Variants in PCDHA8 observed in about 807,000 individuals in gnomAD.
PCDHA8 encodes protocadherin alpha-8.
In PCDHA8, 53 loss-of-function variants were observed where a neutral mutation model predicts 61.8. The observed-to-expected ratio is 0.86, with a 90% CI of 0.69 to 1.08. PCDHA8 has a LOEUF of 1.08. Among genes scored for constraint, PCDHA8 ranks in the 50% least tolerant of loss-of-function variants. The probability of loss-of-function intolerance (pLI) is 0.00; values close to 1 mark genes in which losing one functional copy is unlikely to be tolerated. For missense variants in PCDHA8, 1,293 were observed against 1,245.0 expected (o/e 1.04, Z -0.58); for synonymous variants, 618 against 556.6 (o/e 1.11, Z -1.55).
intron 1 of PCDHA8, among the ~76,000 whole-genome samples, chr5:140,905,490 T>C (rs1256863992): frequency 1.3e-5 from 2 of 152,224 alleles, no homozygotes; most frequent in African/African-American, 4.8e-5. Context: ...TTTCTTCTTT[T>C]TGTTTTGTAT....
At chr5:140,968,781 C>G in intron 1 of PCDHA8, 1 of 1,614,182 alleles carries the variant, frequency 6.2e-7, no homozygotes. Context: ...TCACTATCAG[C>G]CTCTGTGGCC....
chr5:140,999,975 A>G (rs952038024), intron 3 of PCDHA8, among the ~76,000 whole-genome samples: 3 of 152,078 alleles, frequency 2.0e-5, no homozygotes, highest in African/African-American at 7.2e-5. Context: ...TAGCAGCTCT[A>G]GCGGCCTCTG....
intron 3 of PCDHA8, among the ~76,000 whole-genome samples, chr5:140,983,623 GA>G (rs1554245569): frequency 6.6e-6 from 1 of 152,202 alleles, no homozygotes; most frequent in African/African-American, 2.4e-5. Flanking sequence ...GAGAGATTAA[GA>G]AATGTACCCA....
chr5:141,010,545 A>G lies in PCDHA8; in HGVS notation c.*608A>G. On this transcript the variant is annotated 3_prime_UTR_variant, in exon 4 of 4. Coordinates refer to ENST00000531613, the MANE Select transcript of PCDHA8 (RefSeq NM_018911.3). ...GGTGGCAGCCACCCTCTAGGAGACAAAACTACCCCCACTGACAAGGCTTTA... is the reference window on the plus strand; with the variant it reads ...GGTGGCAGCCACCCTCTAGGAGACAGAACTACCCCCACTGACAAGGCTTTA... 1 of 343,382 alleles carries G rather than the reference A, an allele frequency of 2.9e-6. No individual in the cohort carries two copies. 21.3% of individuals were successfully genotyped at this position (343,382 alleles called of 1,614,324 possible).
At chr5:140,980,728 A>T (rs1268236317) in intron 2 of PCDHA8, among the ~76,000 whole-genome samples, 1 of 152,168 alleles carries the variant, frequency 6.6e-6, no homozygotes, top group African/African-American at 2.4e-5. Context: ...TTCAATTAAG[A>T]TATTATGAGA....
intron 1 of PCDHA8, among the ~76,000 whole-genome samples, chr5:140,937,575 T>C (rs111558133): frequency 1.8e-3 from 268 of 149,140 alleles, no homozygotes; most frequent in African/African-American, 6.4e-3. Context: ...TGGGATCGCG[T>C]CACTGCACTC....
chr5:140,882,605 C>T (rs1554174797), intron 1 of PCDHA8: 2 of 1,614,120 alleles, frequency 1.2e-6, no homozygotes, highest in Non-Finnish European at 1.7e-6. Context: ...CGTGGACAGG[C>T]CTCTGCAGGT....
intron 1 of PCDHA8, chr5:140,857,805 C>CG: frequency 6.3e-7 from 1 of 1,597,714 alleles, no homozygotes; most frequent in Non-Finnish European, 8.6e-7. Context: ...TCGGTGGTTG[C>CG]GGGTCACGTG....
At chr5:140,883,989 G>C (rs1554180956) in intron 1 of PCDHA8, 1 of 1,612,834 alleles carries the variant, frequency 6.2e-7, no homozygotes, top group Non-Finnish European at 8.5e-7. Flanking sequence ...GGCAGCGCGG[G>C]AGGCACAGTG....
intron 1 of PCDHA8, chr5:140,881,915 C>G (rs1431128063): frequency 1.7e-5 from 4 of 240,684 alleles, no homozygotes; most frequent in African/African-American, 8.9e-5. Flanking sequence ...AAATGTTGAG[C>G]AGAATGCAGT....
At position 140,843,480 on chromosome 5, in the gene PCDHA8, C is replaced by A. The variant is rs2150360983; in HGVS notation, c.2159C>A (p.Ala720Glu). 13 of 1,596,024 alleles carry A rather than the reference C, an allele frequency of 8.1e-6. 2 individuals carry two copies. The highest frequency in any genetic ancestry group is 1.1e-5 in the South Asian group (1 of 90,492). The change falls in exon 1 of 4, where the codon GCG becomes GAG. Residue 720 changes from alanine to glutamate, a missense_variant. Physicochemically the swap from Ala to Glu is moderately radical, Grantham distance 107. Coordinates refer to ENST00000531613, the MANE Select transcript of PCDHA8 (RefSeq NM_018911.3). ...LLVLTLLLYT[A>E]LRCSALPTEG... Reference sequence around the variant, plus strand: ...GTGCTCACGCTGCTGCTGTACACTGCGCTGCGGTGCTCAGCACTGCCCACT... The same window carrying A: ...GTGCTCACGCTGCTGCTGTACACTGAGCTGCGGTGCTCAGCACTGCCCACT...
At chr5:140,978,897 G>A in intron 1 of PCDHA8, 52 bp from the exon 2 acceptor site, 2 of 1,612,776 alleles carry the variant, frequency 1.2e-6, no homozygotes, top group South Asian at 1.1e-5. Flanking sequence ...AGCATTCCTG[G>A]GAGAACATTG....
chr5:140,954,016 A>G (rs246027), intron 1 of PCDHA8, among the ~76,000 whole-genome samples: 85,628 of 151,968 alleles, frequency 0.56, 24,747 homozygotes, highest in African/African-American at 0.69. Context: ...GCTCCCACAC[A>G]TAGTGGGACG....
chr5:140,851,932 TGTA>T lies in PCDHA8; in HGVS notation c.2394+8221_2394+8223del. ...TCACTACATGTTATGTTTCCTGAAT[TGTA>T]GTATGTGACTTTCAAAATGGTGGTT... On this transcript the variant is annotated intron_variant, in intron 1 of 3. Transcript: ENST00000531613. 5.2e-6 allele frequency: 5 copies of T among 965,638 alleles called. 1 individual carries two copies. The highest frequency in any genetic ancestry group is 5.0e-6 in the Non-Finnish European group (4 of 798,866). The allele number at this position is 965,638 out of a possible 1,614,324, so 59.8% of individuals were successfully genotyped here. A position where few individuals can be genotyped will look rare whatever the true frequency, so the allele number is the denominator to read the frequency against.
chr5:140,986,545 G>T (rs1554248133), intron 3 of PCDHA8, among the ~76,000 whole-genome samples: 1 of 152,172 alleles, frequency 6.6e-6, no homozygotes, highest in East Asian at 1.9e-4. Context: ...GCTTCAGTGG[G>T]CCAGGCTGCT....
At chr5:140,946,506 A>G (rs1231345135) in intron 1 of PCDHA8, among the ~76,000 whole-genome samples, 1 of 151,616 alleles carries the variant, frequency 6.6e-6, no homozygotes, top group Non-Finnish European at 1.5e-5. Context: ...CAGTATGTCA[A>G]AGACCTATCC....
intron 1 of PCDHA8, chr5:140,860,038 C>T (rs1333374793): frequency 6.6e-6 from 1 of 151,844 alleles, no homozygotes; most frequent in African/African-American, 2.4e-5. Context: ...CCTGTAATCC[C>T]AGCATTTTGA....
chr5:140,842,381 T>A lies in PCDHA8; in HGVS notation c.1060T>A (p.Ser354Thr), dbSNP rs2150334920. The A allele has an allele frequency of 6.2e-7, 1 of 1,610,534 alleles. No homozygotes were observed. The highest frequency in any genetic ancestry group is 1.1e-5 in the South Asian group (1 of 91,024). Residue 354 changes from serine to threonine, a missense_variant, in exon 1 of 4, where the codon TCC (serine) becomes ACC (threonine). Coordinates refer to ENST00000531613, the MANE Select transcript of PCDHA8 (RefSeq NM_018911.3). ...NDNVPEIALT[S>T]LSLPVREDAQ... The stretch of plus-strand genomic sequence containing the variant: ...TAACGTCCCTGAGATAGCACTGACT[T>A]CCTTATCCTTGCCTGTACGTGAAGA...
Position 140,857,572 on chromosome 5 carries a change from G to T in PCDHA8, c.2394+13857G>T, listed in dbSNP as rs144978636. On this transcript the variant is annotated intron_variant, in intron 1 of 3. Coordinates refer to ENST00000531613, the MANE Select transcript of PCDHA8 (RefSeq NM_018911.3). Reference sequence around the variant, plus strand: ...AGCGCTCGCTGTCGAGCTACGTGTCGGTGCACGCGGAGAGCGGCAAGGTGT... The same window carrying T: ...AGCGCTCGCTGTCGAGCTACGTGTCTGTGCACGCGGAGAGCGGCAAGGTGT... 1.0e-5 allele frequency: 16 copies of T among 1,596,716 alleles called. 2 individuals carry two copies. The highest frequency in any genetic ancestry group is 1.4e-5 in the Non-Finnish European group (16 of 1,167,664).
Sources: gnomAD v4.1 joint callset for allele counts (sites outside exome capture counted in the v4.1 genomes callset) on GRCh38, gnomAD v4.1.1 for gene constraint, MANE v1.5 for transcripts, NCBI Gene and HGNC (gene_info 2026-07-23, HGNC 2026-07-21) for gene names.